The following PHF21A variants were observed in gnomAD, a reference collection of about 807,000 sequenced individuals.
The protein encoded by PHF21A is PHD finger protein 21A.
Under a neutral mutation model 82.5 loss-of-function variants are expected in PHF21A, and 11 were observed. That is an observed-to-expected ratio of 0.13 (90% confidence interval 0.08 to 0.22). PHF21A has a LOEUF of 0.22. Among genes scored for constraint, PHF21A ranks in the 10% least tolerant of loss-of-function variants. The pLI, the probability that PHF21A is intolerant of heterozygous loss-of-function variation, is 1.00. For missense variants in PHF21A, 579 were observed against 837.8 expected (o/e 0.69, Z 3.81); for synonymous variants, 297 against 302.8 (o/e 0.98, Z 0.20).
At chr11:46,008,493 A>G (rs1436711486) in intron 6 of PHF21A, among the ~76,000 whole-genome samples, 1 of 152,134 alleles carries the variant, frequency 6.6e-6, no homozygotes, top group East Asian at 1.9e-4. Flanking sequence ...AGAAGTGCCA[A>G]TGTCTTGAAA....
At chr11:46,101,425 C>T (rs1244060620) in intron 1 of PHF21A, among the ~76,000 whole-genome samples, 2 of 152,132 alleles carry the variant, frequency 1.3e-5, no homozygotes, top group African/African-American at 4.8e-5. Flanking sequence ...GTTTTACACA[C>T]TATAAATAAA....
Position 45,965,612 on chromosome 11 carries a change from T to TA in PHF21A, c.703-5dup. On this transcript the variant is annotated splice_region_variant and splice_polypyrimidine_tract_variant and intron_variant, in intron 9 of 18. Transcript: ENST00000676320. ...GGGCCACAGGCTTGGGTCGAACCTA[T>TA]AGGGGAAAGAGAGAATAATTATTGT... is the stretch of plus-strand genomic sequence containing the variant. 6.5e-7 allele frequency: 1 copy of TA among 1,528,656 alleles called. No individual in the cohort carries two copies. Among genetic ancestry groups the TA allele is most frequent in the Non-Finnish European group, 8.8e-7 (1 of 1,138,212 alleles). 94.7% of individuals were successfully genotyped at this position (1,528,656 alleles called of 1,614,324 possible).
At chr11:46,036,851 G>C (rs1204638957) in intron 6 of PHF21A, among the ~76,000 whole-genome samples, 1 of 152,064 alleles carries the variant, frequency 6.6e-6, no homozygotes, top group African/African-American at 2.4e-5. Flanking sequence ...TACATCTGTT[G>C]TTTAAATAGC....
intron 11 of PHF21A, among the ~76,000 whole-genome samples, chr11:45,952,446 T>C (rs924639090): frequency 6.6e-6 from 1 of 152,230 alleles, no homozygotes; most frequent in Non-Finnish European, 1.5e-5. Context: ...TCTCACTATG[T>C]TTGCCCAGGC....
chr11:45,938,487 T>C (rs1329120290), intron 15 of PHF21A, among the ~76,000 whole-genome samples, 175 bp from the exon 16 acceptor site: 1 of 152,174 alleles, frequency 6.6e-6, no homozygotes, highest in East Asian at 1.9e-4. Flanking sequence ...TCCACATAGC[T>C]AAGGCTCCCT....
At chr11:46,002,595 A>G (rs2095168494) in intron 6 of PHF21A, among the ~76,000 whole-genome samples, 1 of 152,148 alleles carries the variant, frequency 6.6e-6, no homozygotes, top group Admixed American at 6.6e-5. Flanking sequence ...CAAACTTCAT[A>G]AGGGAACTTA....
At chr11:46,101,477 CG>C (rs1308189144) in intron 1 of PHF21A, among the ~76,000 whole-genome samples, 1 of 152,040 alleles carries the variant, frequency 6.6e-6, no homozygotes, top group Non-Finnish European at 1.5e-5. Flanking sequence ...GGAATAGGTA[CG>C]TGGGGTTATA....
At chr11:46,063,362 G>T (rs1311726412) in intron 6 of PHF21A, among the ~76,000 whole-genome samples, 1 of 152,154 alleles carries the variant, frequency 6.6e-6, no homozygotes, top group East Asian at 1.9e-4. Flanking sequence ...TCTAGAGTAA[G>T]ATTGGCAAAC....
At chr11:46,037,633 G>A (rs1045959031) in intron 6 of PHF21A, among the ~76,000 whole-genome samples, 7 of 112,792 alleles carry the variant, frequency 6.2e-5, no homozygotes, top group East Asian at 2.9e-4. Context: ...AGAGTGAAAC[G>A]TCATCTCAAA....
At chr11:46,044,957 G>T (rs1032692160) in intron 6 of PHF21A, among the ~76,000 whole-genome samples, 4 of 152,226 alleles carry the variant, frequency 2.6e-5, no homozygotes, top group Non-Finnish European at 5.9e-5. Context: ...TCTAGGCAAG[G>T]ATAGTATGGT....
chr11:46,113,284 A>G (rs2097244025), intron 1 of PHF21A, among the ~76,000 whole-genome samples: 1 of 152,230 alleles, frequency 6.6e-6, no homozygotes, highest in Non-Finnish European at 1.5e-5. Flanking sequence ...TCTTATTATC[A>G]GAGTCTAATC....
At chr11:46,037,356 G>C (rs2096026978) in intron 6 of PHF21A, among the ~76,000 whole-genome samples, 1 of 152,090 alleles carries the variant, frequency 6.6e-6, no homozygotes, top group African/African-American at 2.4e-5. Context: ...AAAATGGAGT[G>C]CTCGGCCTGG....
intron 6 of PHF21A, among the ~76,000 whole-genome samples, chr11:45,981,946 T>G (rs1240999541): frequency 1.5e-5 from 2 of 136,374 alleles, no homozygotes; most frequent in Non-Finnish European, 3.1e-5. Flanking sequence ...TTTTCTTTTT[T>G]TTTTTTTTTT....
At chr11:46,111,157 A>G (rs2097209378) in intron 1 of PHF21A, among the ~76,000 whole-genome samples, 1 of 151,140 alleles carries the variant, frequency 6.6e-6, no homozygotes, top group Non-Finnish European at 1.5e-5. Context: ...GGTTTGCTAT[A>G]TAAACAAGTA....
At chr11:46,098,024 G>A (rs1391736772) in intron 1 of PHF21A, among the ~76,000 whole-genome samples, 2 of 152,142 alleles carry the variant, frequency 1.3e-5, no homozygotes, top group African/African-American at 4.8e-5. Context: ...AGGGAGCCAG[G>A]ATTAGAAACC....
intron 6 of PHF21A, among the ~76,000 whole-genome samples, chr11:46,001,444 T>A (rs1031678675): frequency 7.2e-5 from 11 of 151,726 alleles, no homozygotes; most frequent in Admixed American, 2.0e-4. Context: ...CACATTGATA[T>A]AACCTAGGAA....
At chr11:46,112,187 G>A (rs952269104) in intron 1 of PHF21A, among the ~76,000 whole-genome samples, 1 of 152,142 alleles carries the variant, frequency 6.6e-6, no homozygotes, top group Non-Finnish European at 1.5e-5. Context: ...AGAAACTGAG[G>A]TGCAAGGACA....
At chr11:46,027,332 T>G (rs2095767769) in intron 6 of PHF21A, among the ~76,000 whole-genome samples, 1 of 152,248 alleles carries the variant, frequency 6.6e-6, no homozygotes, top group African/African-American at 2.4e-5. Context: ...GTTTACCTTA[T>G]TTATACATGT....
chr11:45,992,562 T>C (rs2094749114), intron 6 of PHF21A, among the ~76,000 whole-genome samples: 1 of 152,062 alleles, frequency 6.6e-6, no homozygotes, highest in South Asian at 2.1e-4. Flanking sequence ...AGAAAATTTT[T>C]TGACATCACA....
Sources: gnomAD v4.1 joint callset for allele counts (sites outside exome capture counted in the v4.1 genomes callset) on GRCh38, gnomAD v4.1.1 for gene constraint, MANE v1.5 for transcripts, NCBI Gene and HGNC (gene_info 2026-07-23, HGNC 2026-07-21) for gene names.